YBX2: variants seen among roughly 807,000 people sequenced by gnomAD.
YBX2 encodes the protein Y-box-binding protein 2.
A neutral mutation model predicts 44.4 loss-of-function variants in YBX2; 5 were observed. The observed-to-expected ratio is 0.11, with a 90% CI of 0.06 to 0.24. The LOEUF (loss-of-function observed/expected upper bound fraction) is 0.24, where lower values mean the gene tolerates loss of function less well. Ranked by LOEUF, YBX2 falls within the 10% of genes least tolerant of loss-of-function variation. The pLI is 1.00. For missense variants in YBX2, 417 were observed against 526.9 expected, an observed-to-expected ratio of 0.79 and a Z score of 2.04; for synonymous variants, 188 against 216.1, an observed-to-expected ratio of 0.87 and a Z score of 1.14.
At chr17:7,293,898 A>AG in intron 1 of YBX2, 1 of 512,932 alleles carries the variant, frequency 1.9e-6, no homozygotes, top group Non-Finnish European at 3.5e-6. Context: ...AAGGGTCCCC[A>AG]GTGCACCTGC....
intron 4 of YBX2, 113 bp from the exon 5 acceptor site, chr17:7,290,648 C>T: frequency 7.8e-7 from 1 of 1,284,864 alleles, no homozygotes; most frequent in Non-Finnish European, 1.1e-6. Flanking sequence ...CCTTTAGCTC[C>T]TCTAACTTCT....
Position 7,294,286 on chromosome 17 carries a change from G to A in YBX2, c.215C>T (p.Ala72Val). ...CGGGGGGGCGGGGGTTCCCGAGACC[G>A]CCGTCGCCGGATTGCCAGGGGTGCG... ...GSRTPGNPATAVSGTPAPPAR... is the reference protein window; with the variant it reads ...GSRTPGNPATVVSGTPAPPAR... Residue 72 changes from alanine to valine, a missense_variant, in exon 1 of 9, where the codon GCG becomes GTG. Ala to Val is a moderately conservative substitution (Grantham distance 64). This residue lies in a region of YBX2 where 121 missense variants were observed against 141.3 expected (regional missense o/e 0.86). Transcript: ENST00000007699. The surrounding 1 kb of genome is among the most constrained non-coding windows in gnomAD (Gnocchi z 4.6). The A allele has an allele frequency of 7.8e-7, 1 of 1,276,748 alleles. No individual in the cohort carries two copies. The highest frequency in any genetic ancestry group is 3.1e-5 in the East Asian group (1 of 32,120). 79.1% of individuals were successfully genotyped at this position (1,276,748 alleles called of 1,614,324 possible). A position where few individuals can be genotyped will look rare whatever the true frequency, so the allele number is the denominator to read the frequency against.
rs1350154055 is a variant in YBX2 at position 7,294,596 on chromosome 17, C to T, written c.-96G>A. 12 of 1,219,288 alleles carry T rather than the reference C, an allele frequency of 9.8e-6. No individual in the cohort carries two copies. The highest frequency in any genetic ancestry group is 9.6e-5 in the African/African-American group (6 of 62,682). 75.5% of individuals were successfully genotyped at this position (1,219,288 alleles called of 1,614,324 possible). The stretch of plus-strand genomic sequence containing the variant: ...CCTGCTCGGTCCTCGCGCCCCGAGC[C>T]TCGCCCACACGCCGGCAGCGGGCCC... On this transcript the variant is annotated 5_prime_UTR_variant, in exon 1 of 9. Transcript: ENST00000007699. The surrounding 1 kb of genome is among the most constrained non-coding windows in gnomAD (Gnocchi z 4.6).
In YBX2 at chr17:7,294,471, A is replaced by G. The variant is rs538698698; in HGVS notation, c.30T>C (p.Ala10=). The change falls in exon 1 of 9, where the codon GCT becomes GCC. Residue 10 remains alanine, a synonymous_variant. Transcript: ENST00000007699. This position sits in a 1 kb window ranked among gnomAD's most constrained non-coding sequence, Gnocchi z 4.6. Reference sequence around the variant, plus strand: ...GCACCGTCGCCGCGGGGACCGCTGTAGCCCCCGCTGCCGCCTCCACCTCGC... The same window carrying G: ...GCACCGTCGCCGCGGGGACCGCTGTGGCCCCCGCTGCCGCCTCCACCTCGC... MSEVEAAAG[A]TAVPAATVPA... 6.8e-6 allele frequency: 10 copies of G among 1,476,594 alleles called. No individual in the cohort carries two copies. The highest frequency in any genetic ancestry group is 9.0e-6 in the Non-Finnish European group (10 of 1,116,970). The allele number at this position is 1,476,594 out of a possible 1,614,324, so 91.5% of individuals were successfully genotyped here.
Position 7,288,889 on chromosome 17 carries a change from A to G in YBX2, c.1045-51T>C, listed in dbSNP as rs374642623. 86 of 1,605,672 alleles carry G rather than the reference A, an allele frequency of 5.4e-5. 1 individual carries two copies. The East Asian group carries it at 1.5e-3, about 28-fold the overall frequency. On this transcript the variant is annotated intron_variant, in intron 7 of 8. Coordinates refer to ENST00000007699, the MANE Select transcript of YBX2 (RefSeq NM_015982.4). Reference sequence around the variant, plus strand: ...GACTTGTTCTTTTTGTTTTTGAGACAGAGTCTCACTCCAGGTTGGATGGAG... The same window carrying G: ...GACTTGTTCTTTTTGTTTTTGAGACGGAGTCTCACTCCAGGTTGGATGGAG...
Position 7,294,580 on chromosome 17 carries a change from T to G in YBX2, c.-80A>C, listed in dbSNP as rs1597605541. On this transcript the variant is annotated 5_prime_UTR_variant, in exon 1 of 9. Transcript: ENST00000007699. This position sits in a 1 kb window ranked among gnomAD's most constrained non-coding sequence, Gnocchi z 4.6. ...CTCGCGAACCCACCGCCCTGCTCGGTCCTCGCGCCCCGAGCCTCGCCCACA... is the reference window on the plus strand; with the variant it reads ...CTCGCGAACCCACCGCCCTGCTCGGGCCTCGCGCCCCGAGCCTCGCCCACA... 1 of 1,250,970 alleles carries G rather than the reference T, an allele frequency of 8.0e-7. No individual in the cohort carries two copies. Among genetic ancestry groups the G allele is most frequent in the African/African-American group, 1.7e-5 (1 of 58,564 alleles). The allele number at this position is 1,250,970 out of a possible 1,614,324, so 77.5% of individuals were successfully genotyped here.
At position 7,289,579 on chromosome 17, in the gene YBX2, G is replaced by A. The variant is rs370489323; in HGVS notation, c.995C>T (p.Ala332Val). The stretch of plus-strand genomic sequence containing the variant: ...GCCAGGGGCCTGCTGGGGGCCAGGG[G>A]CCTGCTGCCGTCTCCGCTGGAAGTA... Reference protein sequence around the residue: ...RPYFQRRRQQAPGPQQAPGPR... With the variant: ...RPYFQRRRQQVPGPQQAPGPR... Residue 332 changes from alanine (A) to valine (V), a missense_variant, in exon 7 of 9, where the codon GCC becomes GTC. Ala to Val is a moderately conservative substitution (Grantham distance 64, BLOSUM62 0). Around this residue, in one of 3 missense-constraint regions of YBX2, gnomAD observed 257 missense variants for 261.7 expected, o/e 0.98. Transcript: ENST00000007699. 13 of 1,612,256 alleles carry A rather than the reference G, an allele frequency of 8.1e-6. No homozygotes were observed. The African/African-American group carries it at 1.6e-4, about 20-fold the overall frequency.
intron 7 of YBX2, among the ~76,000 whole-genome samples, chr17:7,289,255 A>T (rs1350425496): frequency 7.1e-6 from 1 of 139,940 alleles, no homozygotes; most frequent in African/African-American, 2.6e-5. Context: ...CACATCTACA[A>T]GCTGGTAGGA....
At position 7,294,238 on chromosome 17, in the gene YBX2, G is replaced by C; in HGVS notation, c.263C>G (p.Pro88Arg). 5 of 1,274,276 alleles carry C rather than the reference G, an allele frequency of 3.9e-6. No individual in the cohort carries two copies. The highest frequency in any genetic ancestry group is 4.9e-6 in the Non-Finnish European group (5 of 1,016,684). 78.9% of individuals were successfully genotyped at this position (1,274,276 alleles called of 1,614,324 possible). A position where few individuals can be genotyped will look rare whatever the true frequency, so the allele number is the denominator to read the frequency against. Residue 88 changes from proline to arginine, a missense_variant, in exon 1 of 9, where the codon CCG becomes CGG. By Grantham distance (103) the Pro-to-Arg change is moderately radical (BLOSUM62 -2). Coordinates refer to ENST00000007699, the MANE Select transcript of YBX2 (RefSeq NM_015982.4). This position sits in a 1 kb window ranked among gnomAD's most constrained non-coding sequence, Gnocchi z 4.6. ...APPARSQADK[P>R]VLAIQVLGTV... The stretch of plus-strand genomic sequence containing the variant: ...GCGCGCCTGCCCCTCACCCAGCACC[G>C]GCTTGTCCGCCTGACTCCGGGCCGG...
Position 7,289,698 on chromosome 17 carries a change from C to T in YBX2, c.876G>A (p.Gln292=), listed in dbSNP as rs2072485024. The change falls in exon 7 of 9, where the codon CAG becomes CAA. Residue 292 remains glutamine (Q), a synonymous_variant. Transcript: ENST00000007699. Reference sequence around the variant, plus strand: ...CACCATCCCCACCTTCTGTGGTAGGCTGCTGGCGTGGCCTGGGGCGGAAAG... The same window carrying T: ...CACCATCCCCACCTTCTGTGGTAGGTTGCTGGCGTGGCCTGGGGCGGAAAG... ...RRPFRPRPRQ[Q]PTTEGGDGET... 6.2e-7 allele frequency: 1 copy of T among 1,613,206 alleles called. No individual in the cohort carries two copies. Among genetic ancestry groups the T allele is most frequent in the Non-Finnish European group, 8.5e-7 (1 of 1,179,578 alleles).
intron 2 of YBX2, 147 bp downstream of exon 2, chr17:7,293,328 T>C: frequency 7.1e-7 from 1 of 1,417,960 alleles, no homozygotes; most frequent in South Asian, 1.2e-5. Context: ...CACACATTTG[T>C]GCTGCGGTTA....
At position 7,291,946 on chromosome 17, in the gene YBX2, G is replaced by A. The variant is rs1219459627; in HGVS notation, c.369+80C>T. On this transcript the variant is annotated intron_variant, in intron 3 of 8. Transcript: ENST00000007699. The surrounding 1 kb of genome is among the most constrained non-coding windows in gnomAD (Gnocchi z 5.8). ...TGAAGAAGAGCCAGAGAAACATGGC[G>A]GAGCGCACTGCTAAGGATTACAGCA... 54 of 1,560,868 alleles carry A rather than the reference G, an allele frequency of 3.5e-5. No homozygotes were observed. The highest frequency in any genetic ancestry group is 2.5e-4 in the East Asian group (11 of 44,566).
At chr17:7,288,947 C>G in intron 7 of YBX2, 109 bp from the exon 8 acceptor site, 1 of 1,354,176 alleles carries the variant, frequency 7.4e-7, no homozygotes, top group Non-Finnish European at 1.0e-6. Context: ...ACTGCAAACT[C>G]CCCCTCCCAG....
chr17:7,290,600 C>T (rs536704278), intron 4 of YBX2, 65 bp from the exon 5 acceptor site: 2 of 1,567,580 alleles, frequency 1.3e-6, no homozygotes, highest in South Asian at 2.3e-5. Context: ...TCCCAACTTG[C>T]TTCCCCTTCT....
intron 1 of YBX2, 60 bp from the exon 2 acceptor site, chr17:7,293,598 A>C: frequency 6.2e-7 from 1 of 1,613,166 alleles, no homozygotes; most frequent in Non-Finnish European, 8.5e-7. Context: ...AGTTGAACTC[A>C]GTTTTGAGAC....
rs1393808656 is a variant in YBX2, at chr17:7,291,062, T to G, written c.459+31A>C. 12 of 1,608,988 alleles carry G rather than the reference T, an allele frequency of 7.5e-6. No individual in the cohort carries two copies. Among genetic ancestry groups the G allele is most frequent in the African/African-American group, 2.7e-5 (2 of 74,754 alleles). ...CCAGGCCACCCTCCCGTAAGCCTAGTCAACTCTATACCCCATAGCAGTCCC... is the reference window on the plus strand; with the variant it reads ...CCAGGCCACCCTCCCGTAAGCCTAGGCAACTCTATACCCCATAGCAGTCCC... On this transcript the variant is annotated intron_variant, in intron 4 of 8. Transcript: ENST00000007699. This position sits in a 1 kb window ranked among gnomAD's most constrained non-coding sequence, Gnocchi z 5.8.
chr17:7,291,078 T>A lies in YBX2; in HGVS notation c.459+15A>T. 1 of 1,611,832 alleles carries A rather than the reference T, an allele frequency of 6.2e-7. No individual in the cohort carries two copies. The highest frequency in any genetic ancestry group is 8.5e-7 in the Non-Finnish European group (1 of 1,179,682). On this transcript the variant is annotated intron_variant, in intron 4 of 8. Coordinates refer to ENST00000007699, the MANE Select transcript of YBX2 (RefSeq NM_015982.4). The surrounding 1 kb of genome is among the most constrained non-coding windows in gnomAD (Gnocchi z 5.8). ...TAAGCCTAGTCAACTCTATACCCCA[T>A]AGCAGTCCCCAAACCTTCTCTCCTT...
rs1467202121 is a variant in YBX2, at chr17:7,294,527, C to T, written c.-27G>A. 2.1e-6 allele frequency: 3 copies of T among 1,439,682 alleles called. No homozygotes were observed. The highest frequency in any genetic ancestry group is 2.4e-5 in the Admixed American group (1 of 41,852). The allele number at this position is 1,439,682 out of a possible 1,614,324, so 89.2% of individuals were successfully genotyped here. On this transcript the variant is annotated 5_prime_UTR_variant, in exon 1 of 9. Coordinates refer to ENST00000007699, the MANE Select transcript of YBX2 (RefSeq NM_015982.4). This position sits in a 1 kb window ranked among gnomAD's most constrained non-coding sequence, Gnocchi z 4.6. The stretch of plus-strand genomic sequence containing the variant: ...CCGCCGGGTCCAGTACCGGCCACAG[C>T]CGCCACCGCCCCGGCCCCTCCCCCC...
chr17:7,291,748 C>A lies in YBX2; in HGVS notation c.369+278G>T. On this transcript the variant is annotated intron_variant, in intron 3 of 8. Coordinates refer to ENST00000007699, the MANE Select transcript of YBX2 (RefSeq NM_015982.4). This position sits in a 1 kb window ranked among gnomAD's most constrained non-coding sequence, Gnocchi z 5.8. Reference sequence around the variant, plus strand: ...CTTTGAGAACCACTGCACCCAAGGACCTTCTCCCTCTGAAAACTGCCTCAG... The same window carrying A: ...CTTTGAGAACCACTGCACCCAAGGAACTTCTCCCTCTGAAAACTGCCTCAG... 2.0e-6 allele frequency: 1 copy of A among 504,100 alleles called. No individual in the cohort carries two copies. The highest frequency in any genetic ancestry group is 2.2e-5 in the South Asian group (1 of 46,000). 31.2% of individuals were successfully genotyped at this position (504,100 alleles called of 1,614,324 possible). A position where few individuals can be genotyped will look rare whatever the true frequency, so the allele number is the denominator to read the frequency against.
Sources: gnomAD v4.1 joint callset for allele counts (sites outside exome capture counted in the v4.1 genomes callset) on GRCh38, gnomAD v4.1.1 for gene constraint, gnomAD v4.1.1 regional missense constraint, Gnocchi (gnomAD v3.1) non-coding constraint, MANE v1.5 for transcripts, NCBI Gene and HGNC (gene_info 2026-07-23, HGNC 2026-07-21) for gene names.